Variants in PTPRK observed in about 807,000 individuals in gnomAD.
The protein encoded by PTPRK is protein tyrosine phosphatase receptor type K, also known as receptor-type tyrosine-protein phosphatase kappa.
A neutral mutation model predicts 178.0 loss-of-function variants in PTPRK; 75 were observed. That is an observed-to-expected ratio of 0.42 (90% CI 0.35 to 0.51). The LOEUF is 0.51. PTPRK is among the 20% of genes least tolerant of loss of function. The probability of loss-of-function intolerance (pLI) is 0.02; values close to 1 mark genes in which losing one functional copy is unlikely to be tolerated. For synonymous variants in PTPRK, 637 were observed against 620.6 expected (o/e 1.03, Z -0.39); for missense variants, 1,441 against 1,797.8 (o/e 0.80, Z 3.59).
chr6:128,255,017 G>A (rs1428643134), intron 3 of PTPRK, among the ~76,000 whole-genome samples: 1 of 152,178 alleles, frequency 6.6e-6, no homozygotes, highest in Non-Finnish European at 1.5e-5. Context: ...TTGAGCCAGA[G>A]TCTTGCTCTA....
chr6:128,380,402 C>A (rs991804987), intron 2 of PTPRK, among the ~76,000 whole-genome samples: 1 of 152,018 alleles, frequency 6.6e-6, no homozygotes, highest in Admixed American at 6.6e-5. Context: ...ATAAACGCAA[C>A]CTTCCCCAAG....
chr6:128,017,802 GTATATATATATATATA>G (rs34836605), intron 13 of PTPRK, among the ~76,000 whole-genome samples: 5 of 101,260 alleles, frequency 4.9e-5, no homozygotes, highest in East Asian at 3.1e-4. Context: ...ATATATATGT[GTATATATATATATATA>G]TATATATATA....
intron 7 of PTPRK, among the ~76,000 whole-genome samples, chr6:128,149,547 TCACTGTGTGA>T (rs1425188973): frequency 6.6e-6 from 1 of 152,116 alleles, no homozygotes; most frequent in Non-Finnish European, 1.5e-5. Context: ...AATCTAGTAG[TCACTGTGTGA>T]CACCTAATCT....
chr6:127,974,877 T>A (rs1406511125), intron 27 of PTPRK, among the ~76,000 whole-genome samples: 1 of 152,178 alleles, frequency 6.6e-6, no homozygotes, highest in Non-Finnish European at 1.5e-5. Context: ...AAAGTAGTAG[T>A]GTTGAAAGAA....
intron 5 of PTPRK, among the ~76,000 whole-genome samples, chr6:128,219,446 C>T (rs1451346242): frequency 6.6e-6 from 1 of 152,186 alleles, no homozygotes; most frequent in Non-Finnish European, 1.5e-5. Context: ...AGAGTTCGTG[C>T]TCCTATGAGA....
chr6:128,023,447 C>T (rs1773825974), intron 13 of PTPRK, among the ~76,000 whole-genome samples: 1 of 152,146 alleles, frequency 6.6e-6, no homozygotes, highest in South Asian at 2.1e-4. Flanking sequence ...TCCTTCTGCC[C>T]TGGAGCTGGT....
intron 2 of PTPRK, among the ~76,000 whole-genome samples, chr6:128,380,967 T>C (rs1837823464): frequency 6.6e-6 from 1 of 151,708 alleles, no homozygotes; most frequent in South Asian, 2.1e-4. Flanking sequence ...TTTTTAAATA[T>C]ATGACAATAA....
chr6:128,418,673 G>A (rs2128385131), intron 1 of PTPRK, among the ~76,000 whole-genome samples: 1 of 152,164 alleles, frequency 6.6e-6, no homozygotes, highest in South Asian at 2.1e-4. Context: ...CTGTCCTAAA[G>A]CATCTACCAT....
At chr6:127,988,535 T>C (rs1776235960) in intron 21 of PTPRK, among the ~76,000 whole-genome samples, 1 of 151,332 alleles carries the variant, frequency 6.6e-6, no homozygotes. Context: ...ATAACAATCA[T>C]CCTATTTTCT....
At chr6:128,066,168 C>A (rs1781715623) in intron 12 of PTPRK, among the ~76,000 whole-genome samples, 1 of 152,128 alleles carries the variant, frequency 6.6e-6, no homozygotes, top group Non-Finnish European at 1.5e-5. Context: ...CTATATTATA[C>A]CCAGAATGGA....
chr6:128,212,660 C>T (rs1808420439), intron 6 of PTPRK, among the ~76,000 whole-genome samples: 1 of 151,984 alleles, frequency 6.6e-6, no homozygotes. Flanking sequence ...CTCTTTGATC[C>T]TTTTCAAATT....
intron 2 of PTPRK, among the ~76,000 whole-genome samples, chr6:128,336,940 A>G (rs1395303304): frequency 6.6e-6 from 1 of 152,076 alleles, no homozygotes; most frequent in Non-Finnish European, 1.5e-5. Context: ...GTGCTCAAAA[A>G]TCCTCGCAAA....
chr6:128,167,865 T>C (rs761296761), intron 7 of PTPRK, among the ~76,000 whole-genome samples: 9 of 152,076 alleles, frequency 5.9e-5, no homozygotes, highest in Non-Finnish European at 1.3e-4. Context: ...CTAATTTTAC[T>C]TCCTGCACCT....
chr6:128,472,368 G>GT (rs1187790936), intron 1 of PTPRK, among the ~76,000 whole-genome samples: 13 of 149,018 alleles, frequency 8.7e-5, no homozygotes, highest in Non-Finnish European at 1.5e-4. Context: ...TGTTTGTTTT[G>GT]TTTTTTGACA....
intron 1 of PTPRK, among the ~76,000 whole-genome samples, chr6:128,472,063 A>C (rs1464827250): frequency 1.3e-5 from 2 of 152,090 alleles, no homozygotes; most frequent in Non-Finnish European, 2.9e-5. Context: ...AGACAGTTCA[A>C]GAGGGCAAAG....
At chr6:128,017,791 A>AAT (rs1224413838) in intron 13 of PTPRK, among the ~76,000 whole-genome samples, 1 of 77,654 alleles carries the variant, frequency 1.3e-5, no homozygotes, top group African/African-American at 4.6e-5. Flanking sequence ...TATATAAATA[A>AAT]ATATATATGT....
chr6:128,239,921 G>T, intron 5 of PTPRK, 114 bp downstream of exon 5: 1 of 685,100 alleles, frequency 1.5e-6, no homozygotes, highest in Non-Finnish European at 2.4e-6. Flanking sequence ...CACTACATGC[G>T]TGTGCACACG....
At chr6:128,482,772 A>C (rs1408791414) in intron 1 of PTPRK, among the ~76,000 whole-genome samples, 2 of 152,206 alleles carry the variant, frequency 1.3e-5, no homozygotes, top group Non-Finnish European at 2.9e-5. Context: ...TCAACAAGAC[A>C]GCAATTGTTC....
intron 7 of PTPRK, among the ~76,000 whole-genome samples, chr6:128,108,966 C>T (rs2114320379): frequency 6.6e-6 from 1 of 152,262 alleles, no homozygotes; most frequent in Middle Eastern, 3.4e-3. Flanking sequence ...TTTCCCCAAA[C>T]TCTGACCTCC....
Sources: gnomAD v4.1 joint callset for allele counts (sites outside exome capture counted in the v4.1 genomes callset) on GRCh38, gnomAD v4.1.1 for gene constraint, MANE v1.5 for transcripts, NCBI Gene and HGNC (gene_info 2026-07-23, HGNC 2026-07-21) for gene names.